The following GRAMD4 variants were observed in gnomAD, a reference collection of about 807,000 sequenced individuals.
GRAMD4 encodes GRAM domain-containing protein 4.
GRAMD4 carries 25 observed loss-of-function variants against 83.9 expected under a neutral mutation model. The ratio of observed to expected loss-of-function variants is 0.30; its 90% CI spans 0.22 to 0.42. The LOEUF (loss-of-function observed/expected upper bound fraction) is 0.42, where lower values mean the gene tolerates loss of function less well. Ranked by LOEUF, GRAMD4 falls within the 10% of genes least tolerant of loss-of-function variation. GRAMD4 has a pLI of 1.00. For missense variants in GRAMD4, 593 were observed against 788.7 expected (o/e 0.75, Z 2.97); for synonymous variants, 336 against 320.9 (o/e 1.05, Z -0.50).
chr22:46,673,961 G>A, intron 15 of GRAMD4, 147 bp downstream of exon 15: 3 of 886,658 alleles, frequency 3.4e-6, no homozygotes, highest in South Asian at 1.5e-5. Context: ...TGCCCCAGGA[G>A]GAGTGCAGGA....
rs549161897 is a variant in GRAMD4, at chr22:46,582,312, G to A, written c.-50+5022G>A. Among the ~76,000 whole-genome samples, 4 of 152,208 alleles carry A rather than the reference G, an allele frequency of 2.6e-5. No individual in the cohort carries two copies. In the South Asian group the frequency reaches 6.2e-4, roughly 24 times the overall value. ...CCAAACTCCCGAGAAGCTGCAGTGG[G>A]AGAAGCTGAATGCTGGGCAGCGGGC... On this transcript the variant is annotated intron_variant, in intron 1 of 1. Transcript: ENST00000431155.
chr22:46,635,033 T>C (rs908277340), intron 2 of GRAMD4, among the ~76,000 whole-genome samples: 3 of 151,954 alleles, frequency 2.0e-5, no homozygotes, highest in African/African-American at 7.3e-5. Flanking sequence ...GGAGCCCAAG[T>C]GTCCTTCGTC....
intron 1 of GRAMD4, among the ~76,000 whole-genome samples, chr22:46,590,152 C>A (rs1047602409): frequency 3.3e-5 from 5 of 151,384 alleles, no homozygotes; most frequent in Non-Finnish European, 7.4e-5. Flanking sequence ...GCCCTGCCCC[C>A]ACATCTACAC....
At chr22:46,577,668 GTCCTGCCGATCCAC>G (rs2081057105) in intron 1 of GRAMD4, among the ~76,000 whole-genome samples, 1 of 152,060 alleles carries the variant, frequency 6.6e-6, no homozygotes, top group Non-Finnish European at 1.5e-5. Context: ...CGCCAATGTC[GTCCTGCCGATCCAC>G]TCCCGGGTGG....
intron 3 of GRAMD4, among the ~76,000 whole-genome samples, chr22:46,653,071 G>A (rs1487888747): frequency 1.3e-5 from 2 of 152,192 alleles, no homozygotes; most frequent in African/African-American, 2.4e-5. Flanking sequence ...GGAGAGCAGC[G>A]GTCAGACGCT....
At chr22:46,647,228 A>G (rs890700651) in intron 3 of GRAMD4, among the ~76,000 whole-genome samples, 1 of 152,256 alleles carries the variant, frequency 6.6e-6, no homozygotes, top group Non-Finnish European at 1.5e-5. Context: ...AGATGAAGAC[A>G]GGTGGCACTG....
At chr22:46,577,348 C>T (rs1017192562) in intron 1 of GRAMD4, 392 of 969,842 alleles carry the variant, frequency 4.0e-4, no homozygotes, top group Non-Finnish European at 4.6e-4. Context: ...CGACCACTCT[C>T]CCTTTTGGGC....
chr22:46,580,921 C>T (rs548826313), intron 1 of GRAMD4, among the ~76,000 whole-genome samples: 7 of 147,142 alleles, frequency 4.8e-5, no homozygotes, highest in South Asian at 2.2e-4. Context: ...GAGCTGAGAT[C>T]GCGCCATTGC....
chr22:46,664,104 C>T lies in GRAMD4; in HGVS notation c.704C>T (p.Ala235Val), dbSNP rs748060245. 1.9e-6 allele frequency: 3 copies of T among 1,612,024 alleles called. No individual in the cohort carries two copies. Among genetic ancestry groups the T allele is most frequent in the African/African-American group, 2.7e-5 (2 of 74,902 alleles). Reference sequence around the variant, plus strand: ...GACTGGTACTCCGTCTACACGTCTGCCATTGCCTTCACCGTGAGTGGGTCC... The same window carrying T: ...GACTGGTACTCCGTCTACACGTCTGTCATTGCCTTCACCGTGAGTGGGTCC... ...LSDWYSVYTS[A>V]IAFTVYMNAV... The change falls in exon 8 of 19, where the codon GCC becomes GTC. Residue 235 changes from alanine to valine, a missense_variant. This residue lies in a region of GRAMD4 where 312 missense variants were observed against 350.7 expected (regional missense o/e 0.89). Transcript: ENST00000406902.
chr22:46,654,889 G>A (rs994547791), intron 3 of GRAMD4, among the ~76,000 whole-genome samples: 2 of 152,324 alleles, frequency 1.3e-5, no homozygotes, highest in African/African-American at 2.4e-5. Flanking sequence ...GCTTGGAAAC[G>A]TCACACTGTA....
At chr22:46,647,594 A>G (rs954335938) in intron 3 of GRAMD4, among the ~76,000 whole-genome samples, 5 of 152,242 alleles carry the variant, frequency 3.3e-5, no homozygotes, top group African/African-American at 1.2e-4. Flanking sequence ...CAACGGCTGC[A>G]GGTCCTGGGT....
chr22:46,615,532 T>C (rs1340496244), upstream of GRAMD4, among the ~76,000 whole-genome samples: 48 of 146,740 alleles, frequency 3.3e-4, no homozygotes, highest in Non-Finnish European at 6.4e-4. Context: ...CCCCTGTGTG[T>C]GTAGGTTCCC....
At chr22:46,651,254 C>G (rs547262124) in intron 3 of GRAMD4, among the ~76,000 whole-genome samples, 1 of 152,344 alleles carries the variant, frequency 6.6e-6, no homozygotes, top group Admixed American at 6.5e-5. Flanking sequence ...GGCCCCTGGC[C>G]TCCCACTGGG....
At chr22:46,617,013 T>G (rs865895861), upstream of GRAMD4, among the ~76,000 whole-genome samples, 4 of 36,994 alleles carry the variant, frequency 1.1e-4, no homozygotes, top group Admixed American at 3.0e-4. Context: ...CCTGTGCGTG[T>G]GGGTTCCCCC....
intron 3 of GRAMD4, among the ~76,000 whole-genome samples, chr22:46,655,439 C>T (rs1208482254): frequency 6.6e-6 from 1 of 152,108 alleles, no homozygotes; most frequent in East Asian, 1.9e-4. Flanking sequence ...AGCTGGGAGG[C>T]CGGTTAAGAA....
chr22:46,609,907 C>G (rs1159965747), intron 1 of GRAMD4, among the ~76,000 whole-genome samples: 2 of 152,182 alleles, frequency 1.3e-5, no homozygotes, highest in Non-Finnish European at 1.5e-5. Flanking sequence ...TAGGTGTGGA[C>G]GGGGGCCTAC....
chr22:46,595,685 C>A (rs1349339084), intron 1 of GRAMD4, among the ~76,000 whole-genome samples: 1 of 152,260 alleles, frequency 6.6e-6, no homozygotes, highest in East Asian at 1.9e-4. Flanking sequence ...CCAGCTGCCC[C>A]TCCAAGTCAT....
chr22:46,591,148 C>A (rs2081203368), intron 1 of GRAMD4, among the ~76,000 whole-genome samples: 1 of 152,174 alleles, frequency 6.6e-6, no homozygotes, highest in Admixed American at 6.5e-5. Context: ...AAACTGCTGC[C>A]CTCTCAGCCG....
intron 1 of GRAMD4, among the ~76,000 whole-genome samples, chr22:46,602,531 C>A (rs1412529386): frequency 6.6e-6 from 1 of 151,992 alleles, no homozygotes; most frequent in South Asian, 2.1e-4. Context: ...GGCATGGTGG[C>A]GTGCACCTCT....
Sources: allele counts gnomAD v4.1 joint callset (sites outside exome capture counted in the v4.1 genomes callset), GRCh38; gene constraint gnomAD v4.1.1; regional missense constraint gnomAD v4.1.1; transcripts MANE v1.5; gene names NCBI Gene and HGNC (gene_info 2026-07-23, HGNC 2026-07-21).